Variants in KIAA1217 observed in about 807,000 individuals in gnomAD.
The protein encoded by KIAA1217 is sickle tail protein homolog.
Under a neutral mutation model 163.9 loss-of-function variants are expected in KIAA1217, and 88 were observed. The observed-to-expected ratio is 0.54, with a 90% CI of 0.45 to 0.64. The LOEUF (loss-of-function observed/expected upper bound fraction) is 0.64. Ranked by LOEUF, KIAA1217 falls within the 30% of genes least tolerant of loss-of-function variation. KIAA1217 has a pLI of 0.00. For missense variants in KIAA1217, 2,372 were observed against 2,475.0 expected (o/e 0.96, Z 0.88); for synonymous variants, 903 against 923.1 (o/e 0.98, Z 0.39).
chr10:24,519,740 G>A (rs191909061), intron 10 of KIAA1217, among the ~76,000 whole-genome samples: 4,387 of 151,924 alleles, frequency 0.029, 156 homozygotes, highest in East Asian at 0.12. Context: ...ACCGCAGGTC[G>A]GTCTCCCTCT....
intron 2 of KIAA1217, among the ~76,000 whole-genome samples, chr10:24,154,770 G>A (rs2064798090): frequency 6.6e-6 from 1 of 152,022 alleles, no homozygotes; most frequent in African/African-American, 2.4e-5. Flanking sequence ...CAGCTACTTG[G>A]GGAATATTTT....
intron 6 of KIAA1217, among the ~76,000 whole-genome samples, chr10:24,489,482 A>T (rs2065826562): frequency 6.6e-6 from 1 of 152,026 alleles, no homozygotes; most frequent in African/African-American, 2.4e-5. Context: ...ACTTAGATAT[A>T]TAATAAGGAC....
intron 1 of KIAA1217, among the ~76,000 whole-genome samples, chr10:23,748,950 C>T (rs1202580558): frequency 6.6e-6 from 1 of 152,192 alleles, no homozygotes; most frequent in Non-Finnish European, 1.5e-5. Context: ...TTCCTCAATA[C>T]TAGTGAACTT....
At chr10:23,881,496 G>A (rs555311606) in intron 1 of KIAA1217, among the ~76,000 whole-genome samples, 1 of 151,842 alleles carries the variant, frequency 6.6e-6, no homozygotes, top group Non-Finnish European at 1.5e-5. Context: ...GTATGTCTCC[G>A]CCTATTTTGT....
In KIAA1217 at chr10:24,054,848, C is replaced by G. The variant is rs1053253535; in HGVS notation, c.-171+47474C>G. 8.5e-5 allele frequency among the ~76,000 whole-genome samples: 13 copies of G among 152,248 alleles called. 2 individuals are homozygous for G. Among genetic ancestry groups the G allele is most frequent in the Admixed American group, 7.2e-4 (11 of 15,294 alleles). On this transcript the variant is annotated intron_variant, in intron 2 of 18. Transcript: ENST00000376462. ...TGTAACACAACGGTAAGTATCTGTA[C>G]ATCTAAACATAGAAAAGGTACAGGA...
chr10:24,427,325 C>G (rs188274259), intron 3 of KIAA1217, among the ~76,000 whole-genome samples: 1 of 151,846 alleles, frequency 6.6e-6, no homozygotes, highest in East Asian at 1.9e-4. Flanking sequence ...TCAACATCTT[C>G]AAGCAGATGG....
chr10:24,449,647 G>C, intron 5 of KIAA1217: 1 of 985,394 alleles, frequency 1.0e-6, no homozygotes, highest in Non-Finnish European at 1.2e-6. Context: ...CCCAAGGCTT[G>C]CATTTAGTCA....
intron 3 of KIAA1217, among the ~76,000 whole-genome samples, chr10:24,402,256 C>T (rs2056611440): frequency 6.6e-6 from 1 of 152,112 alleles, no homozygotes; most frequent in Non-Finnish European, 1.5e-5. Flanking sequence ...CCTGTAATCC[C>T]AGCACTTTGG....
At chr10:24,122,691 T>C (rs922964408) in intron 2 of KIAA1217, among the ~76,000 whole-genome samples, 1 of 152,130 alleles carries the variant, frequency 6.6e-6, no homozygotes, top group Non-Finnish European at 1.5e-5. Flanking sequence ...AACAAAATGA[T>C]TTATGAAACT....
chr10:24,034,760 C>G (rs999509401), intron 2 of KIAA1217, among the ~76,000 whole-genome samples: 1 of 152,148 alleles, frequency 6.6e-6, no homozygotes, highest in South Asian at 2.1e-4. Context: ...CCCCACTGAC[C>G]TTTGCAGAGG....
rs185964564 is a variant in KIAA1217 at position 24,531,874 on chromosome 10, A to G, written c.3127A>G (p.Lys1043Glu). 4.4e-6 allele frequency: 7 copies of G among 1,608,318 alleles called. No homozygotes were observed. The Admixed American group carries it at 5.0e-5, about 12-fold the overall frequency. Reference protein sequence around the residue: ...SEQDLEKLGGKSPPPPPPPPR... With the variant: ...SEQDLEKLGGESPPPPPPPPR... ...ACAGGACTTGGAAAAGCTGGGGGGA[A>G]AGTCGCCCCCTCCTCCTCCGCCACC... The change falls in exon 15 of 21, where the codon AAG (lysine) becomes GAG (glutamate). Residue 1043 changes from lysine (K) to glutamate (E), a missense_variant. Lys to Glu is a moderately conservative substitution (Grantham distance 56). Transcript: ENST00000376454.
rs994337788 is a variant in KIAA1217, at chr10:23,836,946, G to A, written c.-321+141712G>A. The stretch of plus-strand genomic sequence containing the variant: ...GGAAGGAAGGAAGGGAGGGAGGGAG[G>A]GAGGGAGGGAATGAATAAGGTACAT... On this transcript the variant is annotated intron_variant, in intron 1 of 18. Coordinates refer to the KIAA1217 transcript ENST00000376462. 2.8e-5 allele frequency among the ~76,000 whole-genome samples: 4 copies of A among 142,740 alleles called. No homozygotes were observed. In the East Asian group the frequency reaches 7.4e-4, roughly 26 times the overall value. The allele number at this position is 142,740 out of a possible 152,430, so 93.6% of individuals were successfully genotyped here. A position where few individuals can be genotyped will look rare whatever the true frequency, so the allele number is the denominator to read the frequency against.
chr10:24,001,177 A>C (rs905833355), intron 1 of KIAA1217, among the ~76,000 whole-genome samples: 1 of 152,194 alleles, frequency 6.6e-6, no homozygotes, highest in African/African-American at 2.4e-5. Flanking sequence ...CTCATCTTAC[A>C]TAATATAATC....
intron 5 of KIAA1217, among the ~76,000 whole-genome samples, chr10:24,459,759 CAA>C: frequency 7.2e-6 from 1 of 138,216 alleles, no homozygotes; most frequent in African/African-American, 2.7e-5. Flanking sequence ...CTTAGCTCTA[CAA>C]AAAAAAAAAA....
At chr10:24,511,476 C>T (rs2069158066) in intron 9 of KIAA1217, among the ~76,000 whole-genome samples, 2 of 152,126 alleles carry the variant, frequency 1.3e-5, no homozygotes, top group South Asian at 4.2e-4. Flanking sequence ...AACCCCATCT[C>T]TACTAAAAAT....
At chr10:24,347,563 A>G (rs2047943509) in intron 2 of KIAA1217, among the ~76,000 whole-genome samples, 2 of 152,234 alleles carry the variant, frequency 1.3e-5, no homozygotes, top group African/African-American at 4.8e-5. Context: ...GGAAAAAGCC[A>G]TAAGGCTTAC....
At chr10:23,868,321 C>T (rs1840293250) in intron 1 of KIAA1217, among the ~76,000 whole-genome samples, 1 of 152,102 alleles carries the variant, frequency 6.6e-6, no homozygotes, top group Admixed American at 6.6e-5. Flanking sequence ...GATTCAAAGA[C>T]AGACCAGCAA....
At chr10:23,748,997 C>T (rs1375997652) in intron 1 of KIAA1217, among the ~76,000 whole-genome samples, 3 of 152,186 alleles carry the variant, frequency 2.0e-5, no homozygotes, top group Non-Finnish European at 4.4e-5. Context: ...CCCCTGGCTT[C>T]GTCCTAGAGC....
chr10:24,007,648 A>G (rs534671228), intron 2 of KIAA1217, among the ~76,000 whole-genome samples: 1 of 152,274 alleles, frequency 6.6e-6, no homozygotes, highest in Admixed American at 6.5e-5. Context: ...AGATCCATTT[A>G]TATGCCTGTC....
Sources: allele counts gnomAD v4.1 joint callset (sites outside exome capture counted in the v4.1 genomes callset), GRCh38; gene constraint gnomAD v4.1.1; transcripts MANE v1.5; gene names NCBI Gene and HGNC (gene_info 2026-07-23, HGNC 2026-07-21).